Variants in GPC6 observed in about 807,000 individuals in gnomAD.
GPC6 encodes the protein glypican-6.
GPC6 carries 14 observed loss-of-function variants against 55.2 expected under a neutral mutation model. The observed-to-expected ratio is 0.25, with a 90% CI of 0.17 to 0.40. The LOEUF is 0.40. Among genes scored for constraint, GPC6 ranks in the 10% least tolerant of loss-of-function variants. The pLI is 1.00. For synonymous variants in GPC6, 278 were observed against 259.6 expected, an observed-to-expected ratio of 1.07 and a Z score of -0.68; for missense variants, 641 against 708.5, an observed-to-expected ratio of 0.90 and a Z score of 1.08.
At chr13:93,637,585 A>G (rs1208287680) in intron 2 of GPC6, among the ~76,000 whole-genome samples, 2 of 152,206 alleles carry the variant, frequency 1.3e-5, no homozygotes, top group African/African-American at 4.8e-5. Flanking sequence ...CCCAAACGCT[A>G]CAGCCTCAGA....
chr13:93,860,752 C>T (rs905161689), intron 3 of GPC6, among the ~76,000 whole-genome samples: 4 of 151,670 alleles, frequency 2.6e-5, no homozygotes, highest in Non-Finnish European at 4.4e-5. Context: ...ATAATGAAGA[C>T]TCTTGATCCT....
intron 2 of GPC6, among the ~76,000 whole-genome samples, chr13:93,682,355 T>G (rs1269257364): frequency 6.6e-6 from 1 of 152,134 alleles, no homozygotes; most frequent in Non-Finnish European, 1.5e-5. Flanking sequence ...GTTTTCAAAC[T>G]GGGATGCCCC....
intron 4 of GPC6, among the ~76,000 whole-genome samples, chr13:94,071,004 G>A (rs1884712620): frequency 6.6e-6 from 1 of 152,146 alleles, no homozygotes; most frequent in African/African-American, 2.4e-5. Flanking sequence ...GGATCCTGAG[G>A]TCACCTCTGG....
intron 3 of GPC6, among the ~76,000 whole-genome samples, chr13:93,898,619 A>C (rs1256132655): frequency 1.4e-5 from 2 of 146,220 alleles, no homozygotes; most frequent in African/African-American, 4.9e-5. Flanking sequence ...TAATTTTTCC[A>C]AGTAACCATA....
chr13:93,913,760 G>A (rs775357570), intron 3 of GPC6, among the ~76,000 whole-genome samples: 3 of 152,102 alleles, frequency 2.0e-5, no homozygotes, highest in Non-Finnish European at 4.4e-5. Context: ...GGCAACAACC[G>A]CTGGTCATTC....
At chr13:94,037,341 T>C (rs1416556566) in intron 4 of GPC6, among the ~76,000 whole-genome samples, 1 of 151,992 alleles carries the variant, frequency 6.6e-6, no homozygotes, top group Admixed American at 6.6e-5. Context: ...GATCCAGATA[T>C]GCGCTTCCCG....
chr13:94,107,197 G>A lies in GPC6; in HGVS notation c.877+79303G>A, dbSNP rs1331493362. Among the ~76,000 whole-genome samples the A allele has an allele frequency of 1.8e-4, 27 of 152,050 alleles. 1 individual carries two copies. The highest frequency in any genetic ancestry group is 1.8e-3 in the Admixed American group (27 of 15,256). ...CTGAAGAAGTGAAAATATTGCAGAGGGCAAATAGCTGATCCAATTTTAGGT... is the reference window on the plus strand; with the variant it reads ...CTGAAGAAGTGAAAATATTGCAGAGAGCAAATAGCTGATCCAATTTTAGGT... On this transcript the variant is annotated intron_variant, in intron 4 of 8. Transcript: ENST00000377047.
chr13:93,757,509 CTTCTA>C (rs975602479), intron 2 of GPC6, among the ~76,000 whole-genome samples: 60 of 152,244 alleles, frequency 3.9e-4, no homozygotes, highest in African/African-American at 1.4e-3. Flanking sequence ...GCAGTGGACA[CTTCTA>C]TTCTTGTTCA....
rs138183320 is a variant in GPC6 at position 93,753,314 on chromosome 13, C to T, written c.320-76840C>T. Among the ~76,000 whole-genome samples, 75 of 152,174 alleles carry T rather than the reference C, an allele frequency of 4.9e-4. 1 individual carries two copies. Among genetic ancestry groups the T allele is most frequent in the African/African-American group, 1.7e-3 (70 of 41,516 alleles). ...ACTGTCAGCTTTTCCTCGGCATGTG[C>T]GTATGTATGTATGTCTGTGTGTGTG... On this transcript the variant is annotated intron_variant, in intron 2 of 8. Transcript: ENST00000377047.
rs541213072 is a variant in GPC6 at position 93,830,175 on chromosome 13, A to G, written c.341A>G (p.Glu114Gly). The G allele has an allele frequency of 6.2e-7, 1 of 1,607,958 alleles. No individual in the cohort carries two copies. The highest frequency in any genetic ancestry group is 8.5e-7 in the Non-Finnish European group (1 of 1,176,848). The change falls in exon 3 of 9, where the codon GAG (glutamate) becomes GGG (glycine). Residue 114 changes from glutamate (E) to glycine (G), a missense_variant. Transcript: ENST00000377047. Reference protein sequence around the residue: ...KFDEFFRELLENAEKSLNDMF... With the variant: ...KFDEFFRELLGNAEKSLNDMF... Reference sequence around the variant, plus strand: ...GCAGAATTTTTCCGAGAGCTCCTGGAGAATGCAGAAAAGTCACTAAATGAT... The same window carrying G: ...GCAGAATTTTTCCGAGAGCTCCTGGGGAATGCAGAAAAGTCACTAAATGAT...
intron 1 of GPC6, among the ~76,000 whole-genome samples, chr13:93,282,328 T>C (rs1291309192): frequency 1.3e-5 from 2 of 152,128 alleles, no homozygotes; most frequent in Non-Finnish European, 2.9e-5. Flanking sequence ...GAAAGGTCCT[T>C]ATCTAAGGGG....
At position 93,700,218 on chromosome 13, in the gene GPC6, T is replaced by C. The variant is rs565160821; in HGVS notation, c.320-129936T>C. Among the ~76,000 whole-genome samples, 12 of 152,230 alleles carry C rather than the reference T, an allele frequency of 7.9e-5. No homozygotes were observed. In the East Asian group the frequency reaches 2.3e-3, roughly 30 times the overall value. Reference sequence around the variant, plus strand: ...TTCTGTGTTTTATACTGAGGATTTATCCTAGCACACTGGTCAGTACATTAT... The same window carrying C: ...TTCTGTGTTTTATACTGAGGATTTACCCTAGCACACTGGTCAGTACATTAT... On this transcript the variant is annotated intron_variant, in intron 2 of 8. Transcript: ENST00000377047.
chr13:93,263,617 G>A (rs1337212768), intron 1 of GPC6, among the ~76,000 whole-genome samples: 1 of 152,114 alleles, frequency 6.6e-6, no homozygotes. Context: ...CACTGGCCTT[G>A]GCCTCCCAAA....
intron 2 of GPC6, among the ~76,000 whole-genome samples, chr13:93,563,616 A>G (rs952876840): frequency 6.6e-6 from 1 of 152,186 alleles, no homozygotes; most frequent in East Asian, 1.9e-4. Flanking sequence ...GACAGGACCA[A>G]CTGGAACTGG....
At chr13:94,360,526 G>T (rs1463759580) in intron 6 of GPC6, among the ~76,000 whole-genome samples, 3 of 152,102 alleles carry the variant, frequency 2.0e-5, no homozygotes, top group African/African-American at 7.2e-5. Context: ...CATAGGCATT[G>T]TTAGAAATGG....
At chr13:93,894,321 A>T (rs1181353641) in intron 3 of GPC6, among the ~76,000 whole-genome samples, 2 of 152,120 alleles carry the variant, frequency 1.3e-5, no homozygotes, top group Non-Finnish European at 2.9e-5. Context: ...TGTTTTTACT[A>T]TTGGCTTTGT....
chr13:93,258,579 TG>T, intron 1 of GPC6, among the ~76,000 whole-genome samples: 1 of 152,250 alleles, frequency 6.6e-6, no homozygotes, highest in East Asian at 1.9e-4. Flanking sequence ...TTAGTTTCTG[TG>T]GCATGTAACT....
chr13:93,325,765 G>A (rs943188343), intron 1 of GPC6, among the ~76,000 whole-genome samples: 1 of 152,074 alleles, frequency 6.6e-6, no homozygotes, highest in African/African-American at 2.4e-5. Context: ...GAGGGTGTGG[G>A]TGGGAGTGGA....
intron 1 of GPC6, among the ~76,000 whole-genome samples, chr13:93,499,205 A>T (rs1277783387): frequency 6.6e-6 from 1 of 152,128 alleles, no homozygotes; most frequent in Non-Finnish European, 1.5e-5. Context: ...CTGACTATCC[A>T]TGTGGTTCTT....
Sources: allele counts gnomAD v4.1 joint callset (sites outside exome capture counted in the v4.1 genomes callset), GRCh38; gene constraint gnomAD v4.1.1; transcripts MANE v1.5; gene names NCBI Gene and HGNC (gene_info 2026-07-23, HGNC 2026-07-21).